The following CLTCL1 variants were observed in gnomAD, a reference collection of about 807,000 sequenced individuals.
CLTCL1 encodes clathrin heavy chain 2.
A neutral mutation model predicts 190.0 loss-of-function variants in CLTCL1; 159 were observed. The observed-to-expected ratio is 0.84, with a 90% CI of 0.74 to 0.95. The LOEUF (loss-of-function observed/expected upper bound fraction) is 0.95. Ranked by LOEUF, CLTCL1 falls within the 40% of genes least tolerant of loss-of-function variation. The pLI is 0.00. For missense variants in CLTCL1, 1,878 were observed against 2,033.4 expected (o/e 0.92, Z 1.47); for synonymous variants, 752 against 769.6 (o/e 0.98, Z 0.38).
rs145551623 is a variant in CLTCL1 at position 19,189,551 on chromosome 22, G to C, written c.4324-1460C>G. Reference sequence around the variant, plus strand: ...ATCCCTAAGAAGCAGCTCCTCATCTGTTCAAGTTGGATCCTAAGATTGCAG... The same window carrying C: ...ATCCCTAAGAAGCAGCTCCTCATCTCTTCAAGTTGGATCCTAAGATTGCAG... On this transcript the variant is annotated intron_variant, in intron 27 of 32. Coordinates refer to ENST00000427926, the MANE Select transcript of CLTCL1 (RefSeq NM_007098.4). 1.1e-4 allele frequency among the ~76,000 whole-genome samples: 17 copies of C among 152,292 alleles called. No homozygotes were observed. The East Asian group carries it at 3.3e-3, about 29-fold the overall frequency.
In CLTCL1 at chr22:19,225,419, C is replaced by T. The variant is rs186360460; in HGVS notation, c.2128+34G>A. 205 of 1,529,204 alleles carry T rather than the reference C, an allele frequency of 1.3e-4. No homozygotes were observed. The African/African-American group carries it at 2.0e-3, about 15-fold the overall frequency. The allele number at this position is 1,529,204 out of a possible 1,614,324, so 94.7% of individuals were successfully genotyped here. The stretch of plus-strand genomic sequence containing the variant: ...ACACCTGAGAAAGGAGGTGTAGTCA[C>T]ATGGTGGGGTCGGCGAGAGGCTGCA... On this transcript the variant is annotated intron_variant, in intron 13 of 32. Transcript: ENST00000427926.
chr22:19,246,753 C>A (rs139797268), intron 3 of CLTCL1, among the ~76,000 whole-genome samples: 1 of 152,158 alleles, frequency 6.6e-6, no homozygotes, highest in Non-Finnish European at 1.5e-5. Context: ...TATAACCATT[C>A]GAGTGGGTGT....
intron 22 of CLTCL1, among the ~76,000 whole-genome samples, chr22:19,204,323 C>T (rs2084986801): frequency 6.6e-6 from 1 of 152,168 alleles, no homozygotes; most frequent in Non-Finnish European, 1.5e-5. Flanking sequence ...CTCCTGCACC[C>T]CACAATGCTC....
At chr22:19,251,893 C>T (rs2086602944) in intron 3 of CLTCL1, among the ~76,000 whole-genome samples, 1 of 152,238 alleles carries the variant, frequency 6.6e-6, no homozygotes, top group South Asian at 2.1e-4. Flanking sequence ...AGTTTTTCAA[C>T]ATGAAGTAAG....
At chr22:19,187,302 A>C (rs543658906) in intron 29 of CLTCL1, among the ~76,000 whole-genome samples, 2 of 152,276 alleles carry the variant, frequency 1.3e-5, no homozygotes, top group East Asian at 3.9e-4. Flanking sequence ...ACTGCTGCGA[A>C]AAGAATCAAC....
rs1555925175 is a variant in CLTCL1, at chr22:19,180,218, CTCAT to C, written c.4920_4923del (p.Ter1641ThrfsTer51). Reference sequence around the variant, plus strand: ...ACTTACTTAGTGCAATCAGCTGGGTCTCATTCATGCCCATCAAAATCTAAAAAAA... The same window carrying C: ...ACTTACTTAGTGCAATCAGCTGGGTCTCATGCCCATCAAAATCTAAAAAAA... On this transcript the variant is annotated frameshift_variant and stop_lost, in exon 32 of 33. Transcript: ENST00000427926. LOFTEE classifies it high-confidence loss of function. 6.2e-7 allele frequency: 1 copy of C among 1,613,696 alleles called. No homozygotes were observed.
chr22:19,291,283 T>C (rs1468553559), intron 1 of CLTCL1, among the ~76,000 whole-genome samples: 2 of 152,088 alleles, frequency 1.3e-5, no homozygotes, highest in Non-Finnish European at 2.9e-5. Flanking sequence ...GGCCCTTGGG[T>C]TGCCCTGCCT....
intron 1 of CLTCL1, among the ~76,000 whole-genome samples, chr22:19,291,380 G>A (rs1290820331): frequency 1.3e-5 from 2 of 151,810 alleles, no homozygotes; most frequent in Non-Finnish European, 3.0e-5. Context: ...TCCCCAGCCG[G>A]CCCCGCCGGT....
At chr22:19,257,219 T>G (rs2086790096) in intron 2 of CLTCL1, among the ~76,000 whole-genome samples, 1 of 152,074 alleles carries the variant, frequency 6.6e-6, no homozygotes, top group African/African-American at 2.4e-5. Context: ...AGTAAGCAAA[T>G]GTATGGTAAC....
At chr22:19,260,011 G>A (rs1317640488) in intron 2 of CLTCL1, among the ~76,000 whole-genome samples, 1 of 152,184 alleles carries the variant, frequency 6.6e-6, no homozygotes, top group Non-Finnish European at 1.5e-5. Context: ...CTGCTGATAT[G>A]GACAAAGTTG....
At chr22:19,242,662 T>C (rs1345272748) in intron 4 of CLTCL1, 113 bp downstream of exon 4, 7 of 1,184,896 alleles carry the variant, frequency 5.9e-6, no homozygotes, top group Non-Finnish European at 8.6e-6. Context: ...AACACCACCA[T>C]GAACCTTTCC....
intron 2 of CLTCL1, among the ~76,000 whole-genome samples, chr22:19,263,259 A>AT (rs530354733): frequency 0.026 from 3,509 of 135,672 alleles, 59 homozygotes; most frequent in African/African-American, 0.04. Context: ...CACACCCAGA[A>AT]TTTTTTTTTT....
chr22:19,264,248 A>T (rs1555976911), intron 2 of CLTCL1, among the ~76,000 whole-genome samples: 1 of 117,186 alleles, frequency 8.5e-6, no homozygotes, highest in Non-Finnish European at 1.9e-5. Flanking sequence ...ACAGTCTCTT[A>T]AAAAAAAAAA....
Position 19,231,275 on chromosome 22 carries a change from A to C in CLTCL1, c.1644+1201T>G, listed in dbSNP as rs549109691. Among the ~76,000 whole-genome samples, 8 of 152,310 alleles carry C rather than the reference A, an allele frequency of 5.3e-5. No homozygotes were observed. The South Asian group carries it at 1.7e-3, about 32-fold the overall frequency. The stretch of plus-strand genomic sequence containing the variant: ...GGGTCTCACTCTATTGCCTAGGCTG[A>C]AGCAGTGACAAGGTCACCACTCACT... On this transcript the variant is annotated intron_variant, in intron 10 of 32. Coordinates refer to ENST00000427926, the MANE Select transcript of CLTCL1 (RefSeq NM_007098.4).
intron 6 of CLTCL1, 100 bp downstream of exon 6, chr22:19,235,596 A>G: frequency 2.7e-6 from 3 of 1,131,818 alleles, no homozygotes; most frequent in South Asian, 3.0e-5. Context: ...AGGAACTATT[A>G]ATAGCTACAC....
chr22:19,188,191 G>C, intron 27 of CLTCL1, 100 bp from the exon 28 acceptor site: 1 of 1,039,222 alleles, frequency 9.6e-7, no homozygotes. Flanking sequence ...CACTTGAATG[G>C]TCCAGCTCTG....
chr22:19,183,129 G>A, intron 30 of CLTCL1: 3 of 471,042 alleles, frequency 6.4e-6, no homozygotes, highest in Non-Finnish European at 1.2e-5. Context: ...GTGCACATTG[G>A]GACAGCTGCC....
Position 19,196,671 on chromosome 22 carries a change from G to A in CLTCL1, c.3874-15C>T. On this transcript the variant is annotated splice_polypyrimidine_tract_variant and intron_variant, in intron 24 of 32. Coordinates refer to ENST00000427926, the MANE Select transcript of CLTCL1 (RefSeq NM_007098.4). ...TAGCCACGATCCTAGCAGACCAACA[G>A]CCACGCGTGGGGCAGAGTGATTGCA... 6.2e-7 allele frequency: 1 copy of A among 1,607,200 alleles called. No individual in the cohort carries two copies. Among genetic ancestry groups the A allele is most frequent in the Non-Finnish European group, 8.5e-7 (1 of 1,176,476 alleles).
rs2086521696 is a variant in CLTCL1 at position 19,249,460 on chromosome 22, A to G, written c.519+4499T>C. Among the ~76,000 whole-genome samples, 4 of 152,218 alleles carry G rather than the reference A, an allele frequency of 2.6e-5. No homozygotes were observed. In the South Asian group the frequency reaches 8.3e-4, roughly 31 times the overall value. On this transcript the variant is annotated intron_variant, in intron 3 of 32. Coordinates refer to ENST00000427926, the MANE Select transcript of CLTCL1 (RefSeq NM_007098.4). ...TATTTTGATTCAGAGAAATATGTTC[A>G]TAACTTATTAGAAATAACCTTGAGT... is the stretch of plus-strand genomic sequence containing the variant.
Sources: allele counts gnomAD v4.1 joint callset (sites outside exome capture counted in the v4.1 genomes callset), GRCh38; gene constraint gnomAD v4.1.1; transcripts MANE v1.5; gene names NCBI Gene and HGNC (gene_info 2026-07-23, HGNC 2026-07-21).